SPAG9: variants seen among roughly 807,000 people sequenced by gnomAD.
The protein encoded by SPAG9 is C-Jun-amino-terminal kinase-interacting protein 4.
A neutral mutation model predicts 166.5 loss-of-function variants in SPAG9; 35 were observed. That is an observed-to-expected ratio of 0.21 (90% CI 0.16 to 0.28). The LOEUF is 0.28. SPAG9 is among the 10% of genes least tolerant of loss of function. The probability of loss-of-function intolerance (pLI) is 1.00; values close to 1 mark genes in which losing one functional copy is unlikely to be tolerated. For missense variants in SPAG9, 1,235 were observed against 1,603.3 expected (o/e 0.77, Z 3.92); for synonymous variants, 534 against 565.5 (o/e 0.94, Z 0.79).
intron 5 of SPAG9, 121 bp downstream of exon 5, chr17:51,041,380 T>C: frequency 1.1e-6 from 1 of 899,210 alleles, no homozygotes; most frequent in South Asian, 2.6e-5. Flanking sequence ...AAAACCAATT[T>C]TACAAACTAA....
chr17:51,088,678 G>A (rs1255776580), intron 1 of SPAG9, among the ~76,000 whole-genome samples: 1 of 152,104 alleles, frequency 6.6e-6, no homozygotes, highest in Non-Finnish European at 1.5e-5. Context: ...GGCGCCTGTA[G>A]TCCCAGCTAC....
intron 1 of SPAG9, among the ~76,000 whole-genome samples, chr17:51,119,903 G>C (rs566400354): frequency 6.6e-6 from 1 of 152,304 alleles, no homozygotes; most frequent in African/African-American, 2.4e-5. Flanking sequence ...ACTTCCCAAA[G>C]CAAGGCAACC....
chr17:50,974,886 A>G lies in SPAG9; in HGVS notation c.3585T>C (p.Asp1195=). The change falls in exon 28 of 30, where the codon GAT becomes GAC. Residue 1195 remains aspartate (D), a synonymous_variant. Transcript: ENST00000262013. ...RPGSVIRVYG[D]ENSDKVTPGT... is the part of the protein sequence containing the mutation. ...CTGGAGTCACTTTATCACTGTTTTC[A>G]TCACCATATACACGGATTACACTTC... 6.2e-7 allele frequency: 1 copy of G among 1,613,548 alleles called. No individual in the cohort carries two copies. The highest frequency in any genetic ancestry group is 2.2e-5 in the East Asian group (1 of 44,844).
chr17:51,045,238 T>C (rs2046979130), intron 4 of SPAG9, among the ~76,000 whole-genome samples: 1 of 152,112 alleles, frequency 6.6e-6, no homozygotes, highest in South Asian at 2.1e-4. Flanking sequence ...CACTGCCCTC[T>C]CAAATGAAGC....
chr17:51,021,234 T>C lies in SPAG9; in HGVS notation c.915A>G (p.Thr305=). ...TTATCTCTGATTTATTTGGCGCATC[T>C]GTAACCTTCACAAATCCTTCGTTTT... is the stretch of plus-strand genomic sequence containing the variant. ...KEENEGFVKV[T]DAPNKSEISK... The change falls in exon 7 of 30, where the codon ACA becomes ACG. Residue 305 remains threonine, a synonymous_variant. Transcript: ENST00000262013. 2 of 1,614,150 alleles carry C rather than the reference T, an allele frequency of 1.2e-6. No homozygotes were observed. Among genetic ancestry groups the C allele is most frequent in the Non-Finnish European group, 8.5e-7 (1 of 1,179,996 alleles).
At chr17:51,060,379 A>C (rs2047473139) in intron 2 of SPAG9, among the ~76,000 whole-genome samples, 2 of 151,576 alleles carry the variant, frequency 1.3e-5, no homozygotes, top group Admixed American at 1.3e-4. Context: ...GGCAAATAGC[A>C]GTAATCCCAG....
chr17:51,083,456 C>CG (rs2048223175), intron 1 of SPAG9, among the ~76,000 whole-genome samples: 1 of 151,644 alleles, frequency 6.6e-6, no homozygotes. Flanking sequence ...GGGCCAGTCT[C>CG]GAACTCCTGA....
intron 15 of SPAG9, 97 bp from the exon 16 acceptor site, chr17:50,996,791 CA>C: frequency 8.8e-7 from 1 of 1,134,498 alleles, no homozygotes; most frequent in Non-Finnish European, 1.3e-6. Context: ...GCAAAAACAA[CA>C]AAAATTTACA....
intron 6 of SPAG9, among the ~76,000 whole-genome samples, chr17:51,024,760 C>T (rs1345036855): frequency 6.6e-6 from 1 of 151,832 alleles, no homozygotes; most frequent in African/African-American, 2.4e-5. Context: ...GCCTGTAATC[C>T]CAGCTACTTC....
chr17:51,096,007 A>G (rs2048629026), intron 1 of SPAG9, among the ~76,000 whole-genome samples: 2 of 69,782 alleles, frequency 2.9e-5, no homozygotes, highest in Admixed American at 2.9e-4. Flanking sequence ...ATATATAGTG[A>G]TATATATATA....
chr17:51,112,100 A>G (rs907459707), intron 1 of SPAG9, among the ~76,000 whole-genome samples: 16 of 152,242 alleles, frequency 1.1e-4, no homozygotes, highest in African/African-American at 3.9e-4. Flanking sequence ...TTATTTCATA[A>G]AGCAACAACC....
chr17:51,049,936 T>C (rs2047136210), intron 3 of SPAG9, among the ~76,000 whole-genome samples: 1 of 152,200 alleles, frequency 6.6e-6, no homozygotes, highest in South Asian at 2.1e-4. Flanking sequence ...AGTAATTGTA[T>C]GTATGGGATT....
At chr17:50,972,061 C>T (rs1001286826) in intron 28 of SPAG9, among the ~76,000 whole-genome samples, 23 of 152,132 alleles carry the variant, frequency 1.5e-4, no homozygotes, top group Non-Finnish European at 2.9e-4. Flanking sequence ...GACACTGTGC[C>T]TGGTCTCTTA....
chr17:51,085,175 G>A (rs1256994065), intron 1 of SPAG9: 1 of 152,128 alleles, frequency 6.6e-6, no homozygotes, highest in Non-Finnish European at 1.5e-5. Context: ...GGCACCTTTT[G>A]TGCTATGGAT....
chr17:50,970,776 C>T lies in SPAG9; in HGVS notation c.3781G>A (p.Gly1261Ser). Reference protein sequence around the residue: ...DKAGPSAQEPGSQTPLKSMLV... With the variant: ...DKAGPSAQEPSSQTPLKSMLV... ...ATAGACTTCAAGGGCGTCTGACTAC[C>T]AGGCTCCTGTGCAGATGGCCCTGCT... The change falls in exon 29 of 30, where the codon GGT (glycine) becomes AGT (serine). Residue 1261 changes from glycine (G) to serine (S), a missense_variant. By Grantham distance (56) the Gly-to-Ser change is moderately conservative (BLOSUM62 0). Coordinates refer to ENST00000262013, the MANE Select transcript of SPAG9 (RefSeq NM_001130528.3). 1 of 1,614,136 alleles carries T rather than the reference C, an allele frequency of 6.2e-7. No individual in the cohort carries two copies. Among genetic ancestry groups the T allele is most frequent in the Non-Finnish European group, 8.5e-7 (1 of 1,179,996 alleles).
In SPAG9 at chr17:50,965,650, A is replaced by T. The variant is rs768314607; in HGVS notation, c.*622T>A. 3.3e-5 allele frequency: 5 copies of T among 152,248 alleles called. No homozygotes were observed. Among genetic ancestry groups the T allele is most frequent in the African/African-American group, 4.8e-5 (2 of 41,458 alleles). 9.4% of individuals were successfully genotyped at this position (152,248 alleles called of 1,614,324 possible). On this transcript the variant is annotated 3_prime_UTR_variant, in exon 30 of 30. Transcript: ENST00000262013. ...AGTCAGAAACAGGAAACGTTTATTT[A>T]AATAGTGTAGTCTTAATTTCTTTAA...
chr17:51,037,665 T>TTTTA (rs1239466619), intron 5 of SPAG9, among the ~76,000 whole-genome samples: 2 of 92,912 alleles, frequency 2.2e-5, no homozygotes, highest in Non-Finnish European at 4.6e-5. Flanking sequence ...TATATGTGTT[T>TTTTA]TATATATATA....
chr17:51,100,392 C>G (rs2048776228), intron 1 of SPAG9, among the ~76,000 whole-genome samples: 1 of 152,050 alleles, frequency 6.6e-6, no homozygotes, highest in Non-Finnish European at 1.5e-5. Flanking sequence ...ACTGCTTGAG[C>G]CCAGAAGTTT....
Position 51,120,747 on chromosome 17 carries a change from G to C in SPAG9, c.-91C>G. The C allele has an allele frequency of 2.5e-6, 3 of 1,196,984 alleles. No individual in the cohort carries two copies. Among genetic ancestry groups the C allele is most frequent in the Non-Finnish European group, 3.4e-6 (3 of 872,452 alleles). 74.1% of individuals were successfully genotyped at this position (1,196,984 alleles called of 1,614,324 possible). On this transcript the variant is annotated 5_prime_UTR_variant, in exon 1 of 30. Coordinates refer to ENST00000262013, the MANE Select transcript of SPAG9 (RefSeq NM_001130528.3). The surrounding 1 kb of genome is among the most constrained non-coding windows in gnomAD (Gnocchi z 4.7). ...GGACGGACCCGACTCGGGCTGGGAC[G>C]GGTACTAGGGCTGGAGCCCGGGCCG... is the stretch of plus-strand genomic sequence containing the variant.
Sources: allele counts gnomAD v4.1 joint callset (sites outside exome capture counted in the v4.1 genomes callset), GRCh38; gene constraint gnomAD v4.1.1; non-coding constraint Gnocchi (gnomAD v3.1); transcripts MANE v1.5; gene names NCBI Gene and HGNC (gene_info 2026-07-23, HGNC 2026-07-21).